Variants in SAMD12 observed in about 807,000 individuals in gnomAD.
SAMD12 encodes sterile alpha motif domain containing 12, also known as sterile alpha motif domain-containing protein 12.
SAMD12 carries 9 observed loss-of-function variants against 15.0 expected under a neutral mutation model. That is an observed-to-expected ratio of 0.60 (90% CI 0.36 to 1.05). SAMD12 has a LOEUF of 1.05. SAMD12 is among the 50% of genes least tolerant of loss of function. The pLI is 0.01. For synonymous variants in SAMD12, 86 were observed against 90.1 expected (o/e 0.96, Z 0.25); for missense variants, 230 against 234.2 (o/e 0.98, Z 0.12).
chr8:118,502,438 CA>C (rs200938421), intron 2 of SAMD12, among the ~76,000 whole-genome samples: 26 of 150,404 alleles, frequency 1.7e-4, no homozygotes, highest in African/African-American at 5.8e-4. Flanking sequence ...TTCACATAGA[CA>C]AAAAAAAATC....
chr8:118,497,573 G>T (rs769470569), intron 2 of SAMD12, among the ~76,000 whole-genome samples: 2 of 152,018 alleles, frequency 1.3e-5, no homozygotes, highest in African/African-American at 4.8e-5. Context: ...CTTGACAGGG[G>T]AGTGTGGGAG....
intron 2 of SAMD12, among the ~76,000 whole-genome samples, chr8:118,524,790 T>C (rs936531742): frequency 3.9e-5 from 6 of 152,258 alleles, no homozygotes; most frequent in South Asian, 2.1e-4. Context: ...TGATCCATCA[T>C]TGAAAAATGC....
chr8:118,392,087 C>T (rs982120239), intron 3 of SAMD12, among the ~76,000 whole-genome samples: 1 of 152,228 alleles, frequency 6.6e-6, no homozygotes, highest in South Asian at 2.1e-4. Flanking sequence ...ATGACACCCT[C>T]TCTCCCCATG....
At chr8:118,303,104 T>C (rs2130343849) in intron 4 of SAMD12, among the ~76,000 whole-genome samples, 1 of 152,326 alleles carries the variant, frequency 6.6e-6, no homozygotes, top group South Asian at 2.1e-4. Flanking sequence ...TAAAAATAAC[T>C]TACAAAAGAT....
intron 2 of SAMD12, among the ~76,000 whole-genome samples, chr8:118,513,131 T>C (rs1314577351): frequency 1.3e-5 from 2 of 152,192 alleles, no homozygotes; most frequent in Non-Finnish European, 2.9e-5. Context: ...GCAAAATAAA[T>C]ACTACATAGT....
chr8:118,460,746 A>G (rs1230374331), intron 2 of SAMD12, among the ~76,000 whole-genome samples: 3 of 152,188 alleles, frequency 2.0e-5, no homozygotes, highest in Non-Finnish European at 4.4e-5. Flanking sequence ...GAGACCATGA[A>G]TAGTGAGACA....
intron 3 of SAMD12, among the ~76,000 whole-genome samples, chr8:118,435,633 G>A (rs1822557522): frequency 6.6e-6 from 1 of 152,040 alleles, no homozygotes; most frequent in Non-Finnish European, 1.5e-5. Flanking sequence ...AAGCACCTAA[G>A]GGAAAATTTT....
chr8:118,282,117 C>G (rs935404938), intron 4 of SAMD12: 3 of 353,588 alleles, frequency 8.5e-6, no homozygotes, highest in African/African-American at 6.5e-5. Context: ...TTCATCAGGT[C>G]CTTTCACTTC....
intron 3 of SAMD12, among the ~76,000 whole-genome samples, chr8:118,401,541 C>CTTTTT (rs3884378): frequency 2.9e-5 from 4 of 140,248 alleles, no homozygotes; most frequent in Non-Finnish European, 3.1e-5. Context: ...CCTTCTTCTT[C>CTTTTT]TTTTTTTTTT....
chr8:118,385,318 C>A (rs191317270), intron 3 of SAMD12, among the ~76,000 whole-genome samples: 2 of 152,236 alleles, frequency 1.3e-5, no homozygotes, highest in Admixed American at 1.3e-4. Flanking sequence ...AAAATGCTGA[C>A]CCTTTCTAGA....
Position 118,448,371 on chromosome 8 carries a change from T to C in SAMD12, c.193-8410A>G, listed in dbSNP as rs575300366. 6.7e-4 allele frequency among the ~76,000 whole-genome samples: 102 copies of C among 152,360 alleles called. No individual in the cohort carries two copies. The Middle Eastern group carries it at 0.024, about 36-fold the overall frequency. On this transcript the variant is annotated intron_variant, in intron 2 of 3. Coordinates refer to ENST00000314727, the MANE Select transcript of SAMD12 (RefSeq NM_207506.3). ...CTGTTATTTTTTCTACTGTTTATTATATGTCTCTTCCCACTGGCTTGCAAC... is the reference window on the plus strand; with the variant it reads ...CTGTTATTTTTTCTACTGTTTATTACATGTCTCTTCCCACTGGCTTGCAAC...
chr8:118,225,056 T>C (rs953026497), intron 4 of SAMD12, among the ~76,000 whole-genome samples: 1 of 152,220 alleles, frequency 6.6e-6, no homozygotes, highest in African/African-American at 2.4e-5. Flanking sequence ...AGAGAGTGTT[T>C]ATTGAAATGA....
intron 4 of SAMD12, among the ~76,000 whole-genome samples, chr8:118,320,674 G>GGGT (rs1816193544): frequency 6.8e-6 from 1 of 148,112 alleles, no homozygotes; most frequent in African/African-American, 2.5e-5. Context: ...TCGTGGGGTG[G>GGGT]GGGGGGTGGG....
At chr8:118,609,910 C>T (rs954552101) in intron 1 of SAMD12, among the ~76,000 whole-genome samples, 4 of 152,172 alleles carry the variant, frequency 2.6e-5, no homozygotes, top group Non-Finnish European at 5.9e-5. Context: ...ACACACCCTG[C>T]CCATGTCCCA....
At chr8:118,273,797 C>T (rs28489734) in intron 4 of SAMD12, among the ~76,000 whole-genome samples, 4,555 of 152,166 alleles carry the variant, frequency 0.03, 89 homozygotes, top group Non-Finnish European at 0.045. Flanking sequence ...GGAGAACCTG[C>T]CTCAAGGAAT....
At chr8:118,337,783 C>A (rs1443584539) in intron 4 of SAMD12, among the ~76,000 whole-genome samples, 1 of 152,026 alleles carries the variant, frequency 6.6e-6, no homozygotes, top group Non-Finnish European at 1.5e-5. Flanking sequence ...AGTAGTGATG[C>A]TAGCAATCAG....
At position 118,467,281 on chromosome 8, in the gene SAMD12, C is replaced by T. The variant is rs1264152436; in HGVS notation, c.193-27320G>A. The stretch of plus-strand genomic sequence containing the variant: ...AGCTTGACACCTACATAACTCAGAA[C>T]AAATCTTCTTAGTATGCCTCTGTTA... On this transcript the variant is annotated intron_variant, in intron 2 of 3. Coordinates refer to ENST00000314727, the MANE Select transcript of SAMD12 (RefSeq NM_207506.3). Among the ~76,000 whole-genome samples, 4 of 152,288 alleles carry T rather than the reference C, an allele frequency of 2.6e-5. No homozygotes were observed. In the South Asian group the frequency reaches 6.2e-4, roughly 24 times the overall value.
At chr8:118,610,324 G>C (rs917253208) in intron 1 of SAMD12, among the ~76,000 whole-genome samples, 1 of 152,122 alleles carries the variant, frequency 6.6e-6, no homozygotes, top group South Asian at 2.1e-4. Flanking sequence ...TTTTTCTTAA[G>C]TAACCAAGGT....
intron 4 of SAMD12, among the ~76,000 whole-genome samples, chr8:118,277,534 G>A (rs1435544550): frequency 6.6e-6 from 1 of 151,080 alleles, no homozygotes; most frequent in Non-Finnish European, 1.5e-5. Context: ...ATGCAGGCCT[G>A]GGACAAAGAG....
Sources: gnomAD v4.1 joint callset for allele counts (sites outside exome capture counted in the v4.1 genomes callset) on GRCh38, gnomAD v4.1.1 for gene constraint, MANE v1.5 for transcripts, NCBI Gene and HGNC (gene_info 2026-07-23, HGNC 2026-07-21) for gene names.